Variants in TRAPPC9 observed in about 807,000 individuals in gnomAD.
The protein encoded by TRAPPC9 is trafficking protein particle complex subunit 9.
Under a neutral mutation model 124.0 loss-of-function variants are expected in TRAPPC9, and 83 were observed. The observed-to-expected ratio is 0.67, with a 90% CI of 0.56 to 0.80. TRAPPC9 has a LOEUF of 0.80. Among genes scored for constraint, TRAPPC9 ranks in the 30% least tolerant of loss-of-function variants. TRAPPC9 has a pLI of 0.00. For missense variants in TRAPPC9, 1,302 were observed against 1,508.3 expected (o/e 0.86, Z 2.27); for synonymous variants, 638 against 617.5 (o/e 1.03, Z -0.49).
intron 14 of TRAPPC9, among the ~76,000 whole-genome samples, chr8:140,279,509 A>C (rs942127559): frequency 1.3e-5 from 2 of 152,242 alleles, no homozygotes; most frequent in Non-Finnish European, 2.9e-5. Flanking sequence ...AAGAAATAAA[A>C]AGCAAACATT....
At chr8:139,898,931 C>T (rs1830837987) in intron 20 of TRAPPC9, among the ~76,000 whole-genome samples, 1 of 151,780 alleles carries the variant, frequency 6.6e-6, no homozygotes, top group Non-Finnish European at 1.5e-5. Flanking sequence ...ATCAGCCTGG[C>T]CAACATGGTG....
chr8:139,885,847 C>T, intron 21 of TRAPPC9, 32 bp downstream of exon 21: 1 of 1,548,138 alleles, frequency 6.5e-7, no homozygotes. Context: ...GCACATCCAC[C>T]CAGAATCGAT....
intron 17 of TRAPPC9, among the ~76,000 whole-genome samples, chr8:140,206,473 T>A (rs2062919645): frequency 6.6e-6 from 1 of 152,188 alleles, no homozygotes; most frequent in East Asian, 1.9e-4. Flanking sequence ...ATTCTCTGTA[T>A]CCTGTCTTCC....
chr8:140,089,705 C>G (rs936163645), intron 17 of TRAPPC9, among the ~76,000 whole-genome samples: 6 of 152,096 alleles, frequency 3.9e-5, no homozygotes, highest in Admixed American at 1.3e-4. Flanking sequence ...CAGAGCCAAG[C>G]AGAGGGTCTG....
At chr8:139,878,956 T>A (rs1333326622) in intron 21 of TRAPPC9, among the ~76,000 whole-genome samples, 1 of 152,220 alleles carries the variant, frequency 6.6e-6, no homozygotes, top group South Asian at 2.1e-4. Context: ...CTCAAAACTA[T>A]GTACAAATTC....
chr8:140,373,347 G>A (rs367772918), intron 7 of TRAPPC9, among the ~76,000 whole-genome samples: 5 of 152,172 alleles, frequency 3.3e-5, no homozygotes, highest in African/African-American at 9.7e-5. Context: ...AGGTGACGCC[G>A]CCGGGGCACA....
intron 19 of TRAPPC9, among the ~76,000 whole-genome samples, chr8:139,912,711 TC>T (rs1431271164): frequency 6.6e-6 from 1 of 152,170 alleles, no homozygotes; most frequent in Non-Finnish European, 1.5e-5. Flanking sequence ...AATGTGCAGG[TC>T]TGAATTACCC....
intron 7 of TRAPPC9, among the ~76,000 whole-genome samples, chr8:140,385,488 A>G (rs2068729936): frequency 6.6e-6 from 1 of 152,224 alleles, no homozygotes; most frequent in Non-Finnish European, 1.5e-5. Context: ...AGGGGATATC[A>G]CCACCAATCC....
In TRAPPC9 at chr8:140,241,716, A is replaced by G. The variant is rs2063860277; in HGVS notation, c.2431+11061T>C. 1.3e-5 allele frequency among the ~76,000 whole-genome samples: 2 copies of G among 149,300 alleles called. No homozygotes were observed. The highest frequency in any genetic ancestry group is 2.5e-5 in the African/African-American group (1 of 40,526). On this transcript the variant is annotated intron_variant, in intron 16 of 22. Coordinates refer to ENST00000438773, the MANE Select transcript of TRAPPC9 (RefSeq NM_001160372.4). This position sits in a 1 kb window ranked among gnomAD's most constrained non-coding sequence, Gnocchi z 5.0. ...CTCAAAAAAATAAAATTAAAATTAA[A>G]AAGATTTTAAAAGACCCTTCATTCA...
intron 2 of TRAPPC9, among the ~76,000 whole-genome samples, chr8:140,441,350 C>T (rs1050614111): frequency 1.3e-5 from 2 of 152,084 alleles, no homozygotes; most frequent in Non-Finnish European, 2.9e-5. Flanking sequence ...GAAAAAAAAA[C>T]TCAGTATCCA....
chr8:139,729,000 T>C lies in TRAPPC9; in HGVS notation c.*2061A>G, dbSNP rs1817679379. On this transcript the variant is annotated 3_prime_UTR_variant, in exon 23 of 23. Transcript: ENST00000438773. ...TTTTCTAGGCTTCTATATGCATCTA[T>C]ATCTAATCTGGATCTGTGGCTGGAT... is the stretch of plus-strand genomic sequence containing the variant. Among the ~76,000 whole-genome samples the C allele has an allele frequency of 6.6e-6, 1 of 152,250 alleles. No individual in the cohort carries two copies. Among genetic ancestry groups the C allele is most frequent in the African/African-American group, 2.4e-5 (1 of 41,466 alleles).
intron 17 of TRAPPC9, among the ~76,000 whole-genome samples, chr8:140,112,265 C>G (rs931083420): frequency 2.1e-5 from 3 of 145,490 alleles, no homozygotes; most frequent in African/African-American, 2.6e-5. Flanking sequence ...GGGACAGGTG[C>G]GAGGAGAGTA....
chr8:140,115,091 A>G (rs2060853727), intron 17 of TRAPPC9, among the ~76,000 whole-genome samples: 1 of 152,146 alleles, frequency 6.6e-6, no homozygotes, highest in African/African-American at 2.4e-5. Flanking sequence ...AAGTGCAGCC[A>G]TGGGGAATTG....
In TRAPPC9 at chr8:139,988,970, C is replaced by T; in HGVS notation, c.2700-134G>A. ...TATCGAAATGCCAAGTGCTCCTGGG[C>T]TCAGAGGATTACGGAGACTGGTTCT... On this transcript the variant is annotated intron_variant, in intron 18 of 22. Transcript: ENST00000438773. 5.7e-6 allele frequency: 4 copies of T among 706,094 alleles called. No individual in the cohort carries two copies. The South Asian group carries it at 6.0e-5, about 11-fold the overall frequency. The allele number at this position is 706,094 out of a possible 1,614,324, so 43.7% of individuals were successfully genotyped here. A position where few individuals can be genotyped will look rare whatever the true frequency, so the allele number is the denominator to read the frequency against.
intron 9 of TRAPPC9, among the ~76,000 whole-genome samples, chr8:140,357,564 A>G (rs1000983436): frequency 3.3e-5 from 5 of 151,680 alleles, no homozygotes; most frequent in Non-Finnish European, 7.4e-5. Context: ...GATTTGCTGG[A>G]TCACGGGGAG....
At chr8:140,186,404 T>C (rs1228157120) in intron 17 of TRAPPC9, among the ~76,000 whole-genome samples, 2 of 151,808 alleles carry the variant, frequency 1.3e-5, no homozygotes, top group Non-Finnish European at 2.9e-5. Flanking sequence ...GCCAACATGG[T>C]GAAACCCCAT....
At chr8:139,901,020 A>AAT (rs1412204353) in intron 20 of TRAPPC9, among the ~76,000 whole-genome samples, 11 of 150,876 alleles carry the variant, frequency 7.3e-5, no homozygotes, top group East Asian at 1.9e-4. Context: ...TAAATAAATA[A>AAT]AAATAAAATA....
chr8:139,951,193 A>T (rs1030712737), intron 19 of TRAPPC9, among the ~76,000 whole-genome samples: 3 of 152,156 alleles, frequency 2.0e-5, no homozygotes, highest in Non-Finnish European at 4.4e-5. Context: ...AACGCTCCTC[A>T]CACAAAGCCC....
At chr8:140,107,117 T>C (rs1404416898) in intron 17 of TRAPPC9, among the ~76,000 whole-genome samples, 1 of 152,096 alleles carries the variant, frequency 6.6e-6, no homozygotes, top group Non-Finnish European at 1.5e-5. Flanking sequence ...TGGCCAAAAA[T>C]ACAGCAAGGA....
Sources: allele counts gnomAD v4.1 joint callset (sites outside exome capture counted in the v4.1 genomes callset), GRCh38; gene constraint gnomAD v4.1.1; non-coding constraint Gnocchi (gnomAD v3.1); transcripts MANE v1.5; gene names NCBI Gene and HGNC (gene_info 2026-07-23, HGNC 2026-07-21).